The following DNAH12 variants were observed in gnomAD, a reference collection of about 807,000 sequenced individuals.
DNAH12 encodes the protein axonemal beta dynein heavy chain 12.
A neutral mutation model predicts 371.5 loss-of-function variants in DNAH12; 285 were observed. The ratio of observed to expected loss-of-function variants is 0.77; its 90% CI spans 0.70 to 0.85. The LOEUF (loss-of-function observed/expected upper bound fraction) is 0.85, where lower values mean the gene tolerates loss of function less well. DNAH12 is among the 40% of genes least tolerant of loss of function. DNAH12 has a pLI of 0.00. For missense variants in DNAH12, 3,611 were observed against 3,689.4 expected (o/e 0.98, Z 0.55); for synonymous variants, 1,200 against 1,213.0 (o/e 0.99, Z 0.22).
intron 30 of DNAH12, among the ~76,000 whole-genome samples, chr3:57,435,387 A>AAAAAG (rs2153366954): frequency 6.6e-6 from 1 of 151,722 alleles, no homozygotes; most frequent in East Asian, 1.9e-4. Flanking sequence ...AAAAAAAAAA[A>AAAAAG]AAAAAGAATA....
chr3:57,329,332 A>C (rs201487977), intron 62 of DNAH12, among the ~76,000 whole-genome samples: 1,567 of 103,126 alleles, frequency 0.015, 31 homozygotes, highest in African/African-American at 0.058. Context: ...CTACAGTAAC[A>C]AAAACAGCAT....
rs1278144210 is a variant in DNAH12, at chr3:57,362,705, G to C, written c.9360+889C>G. Among the ~76,000 whole-genome samples, 3 of 152,046 alleles carry C rather than the reference G, an allele frequency of 2.0e-5. No homozygotes were observed. In the East Asian group the frequency reaches 5.8e-4, roughly 29 times the overall value. ...TGTTCATATCCTTTGCCCACTTTTT[G>C]ATGGGGTTATTTCATTTTTTTCTTG... On this transcript the variant is annotated intron_variant, in intron 58 of 73. Transcript: ENST00000495027.
At chr3:57,438,154 C>CA (rs5849207) in intron 29 of DNAH12, among the ~76,000 whole-genome samples, 75,590 of 151,618 alleles carry the variant, frequency 0.5, 18,954 homozygotes, top group South Asian at 0.57. Context: ...ACTAAACATA[C>CA]AAAAAAATCA....
intron 10 of DNAH12, among the ~76,000 whole-genome samples, chr3:57,501,912 T>C (rs2067561932): frequency 5.2e-5 from 1 of 19,100 alleles, no homozygotes; most frequent in Non-Finnish European, 1.5e-4. Context: ...GTTTGATTCT[T>C]TTTTTTTTTT....
At chr3:57,483,630 G>A in intron 12 of DNAH12, 119 bp from the exon 13 acceptor site, 1 of 1,172,378 alleles carries the variant, frequency 8.5e-7, no homozygotes, top group East Asian at 2.6e-5. Flanking sequence ...AAAATTGCTT[G>A]ATTCACTAAG....
chr3:57,448,520 T>G (rs2065617380), intron 25 of DNAH12, among the ~76,000 whole-genome samples: 1 of 135,992 alleles, frequency 7.4e-6, no homozygotes, highest in South Asian at 2.7e-4. Context: ...TCGCAGTGAG[T>G]GTGACAGCTC....
intron 56 of DNAH12, among the ~76,000 whole-genome samples, chr3:57,367,692 A>G (rs1575509989): frequency 1.3e-5 from 2 of 152,130 alleles, no homozygotes; most frequent in African/African-American, 4.8e-5. Context: ...CTGAGGGAGG[A>G]GGATCACTTG....
chr3:57,341,978 T>A (rs1553656341), intron 60 of DNAH12, among the ~76,000 whole-genome samples: 2 of 152,172 alleles, frequency 1.3e-5, no homozygotes, highest in Non-Finnish European at 2.9e-5. Context: ...TACAGCCAAC[T>A]GACTTTTGAC....
In DNAH12 at chr3:57,383,724, C is replaced by T. The variant is rs1457815552; in HGVS notation, c.7860+1105G>A. Among the ~76,000 whole-genome samples, 8 of 146,410 alleles carry T rather than the reference C, an allele frequency of 5.5e-5. No homozygotes were observed. In the Admixed American group the frequency reaches 5.5e-4, roughly 10 times the overall value. On this transcript the variant is annotated intron_variant, in intron 49 of 73. Transcript: ENST00000495027. ...GTGGTGAGCTATGATCACATCGTTG[C>T]ACTCCAACCTGGGTGACAGAGTGAG... is the stretch of plus-strand genomic sequence containing the variant.
intron 59 of DNAH12, among the ~76,000 whole-genome samples, chr3:57,356,783 A>G (rs2062811534): frequency 6.6e-6 from 1 of 151,954 alleles, no homozygotes; most frequent in Non-Finnish European, 1.5e-5. Flanking sequence ...TCTGTTGCGC[A>G]GGCTGGAGTG....
At chr3:57,381,704 C>T (rs2063395483) in intron 50 of DNAH12, among the ~76,000 whole-genome samples, 1 of 151,978 alleles carries the variant, frequency 6.6e-6, no homozygotes, top group Non-Finnish European at 1.5e-5. Flanking sequence ...AGGGCACATG[C>T]TTTTAACAAC....
chr3:57,434,055 C>T (rs754141131), intron 30 of DNAH12, among the ~76,000 whole-genome samples: 4 of 152,114 alleles, frequency 2.6e-5, no homozygotes, highest in African/African-American at 7.2e-5. Flanking sequence ...AATAAACAAT[C>T]TCCAAATGAC....
intron 62 of DNAH12, 104 bp from the exon 63 acceptor site, chr3:57,323,723 C>A: frequency 8.4e-7 from 1 of 1,192,336 alleles, no homozygotes; most frequent in Non-Finnish European, 1.1e-6. Flanking sequence ...GCCTAATGGT[C>A]AAAAAAAGCA....
At chr3:57,342,651 C>CAAA (rs71088061) in intron 60 of DNAH12, among the ~76,000 whole-genome samples, 9,812 of 34,870 alleles carry the variant, frequency 0.28, 1,757 homozygotes, top group Non-Finnish European at 0.36. Flanking sequence ...GACTGAGACT[C>CAAA]AAAAAAAAAA....
intron 62 of DNAH12, among the ~76,000 whole-genome samples, chr3:57,330,457 G>C (rs1482720739): frequency 2.7e-5 from 4 of 150,880 alleles, no homozygotes; most frequent in African/African-American, 4.9e-5. Context: ...GCAAACAATT[G>C]CAAGGACAAA....
chr3:57,523,986 AAG>A, intron 2 of DNAH12, 102 bp from the exon 3 acceptor site: 2 of 728,142 alleles, frequency 2.7e-6, no homozygotes, highest in Non-Finnish European at 2.0e-6. Flanking sequence ...AGAGATATTC[AAG>A]AGTTATCTTA....
At chr3:57,363,836 T>G (rs1425121982) in intron 57 of DNAH12, 50 bp from the exon 58 acceptor site, 5 of 152,160 alleles carry the variant, frequency 3.3e-5, no homozygotes, top group African/African-American at 1.2e-4. Flanking sequence ...TTATCTAAAT[T>G]TATATCTAAG....
intron 32 of DNAH12, among the ~76,000 whole-genome samples, chr3:57,431,731 T>G (rs2064961336): frequency 6.6e-6 from 1 of 152,234 alleles, no homozygotes; most frequent in East Asian, 1.9e-4. Flanking sequence ...ACCTTGGTAC[T>G]ACTAATGATA....
chr3:57,389,335 G>A, intron 45 of DNAH12, among the ~76,000 whole-genome samples: 1 of 151,624 alleles, frequency 6.6e-6, no homozygotes, highest in East Asian at 1.9e-4. Context: ...TTGGCAGTTA[G>A]AATATTTATG....
Sources: gnomAD v4.1 joint callset for allele counts (sites outside exome capture counted in the v4.1 genomes callset) on GRCh38, gnomAD v4.1.1 for gene constraint, MANE v1.5 for transcripts, NCBI Gene and HGNC (gene_info 2026-07-23, HGNC 2026-07-21) for gene names.